The following CCDC28B variants were observed in gnomAD, a reference collection of about 807,000 sequenced individuals.
The protein encoded by CCDC28B is coiled-coil domain containing 28B.
In CCDC28B, 17 loss-of-function variants were observed where a neutral mutation model predicts 18.7. The observed-to-expected ratio is 0.91, with a 90% CI of 0.62 to 1.36. The LOEUF (loss-of-function observed/expected upper bound fraction) is 1.36, where lower values mean the gene tolerates loss of function less well. Ranked by LOEUF, CCDC28B falls within the 40% of genes most tolerant of loss-of-function variation. CCDC28B has a pLI of 0.00. For missense variants in CCDC28B, 213 were observed against 251.7 expected, an observed-to-expected ratio of 0.85 and a Z score of 1.04; for synonymous variants, 116 against 105.1, an observed-to-expected ratio of 1.10 and a Z score of -0.64.
chr1:32,197,813 CTTTT>C, upstream of CCDC28B: 1 of 149,110 alleles, frequency 6.7e-6, no homozygotes, highest in African/African-American at 2.4e-5. The surrounding 1 kb of genome is among the most constrained non-coding windows in gnomAD (Gnocchi z 4.6). Flanking sequence ...GTCAGCAGCA[CTTTT>C]TTTTTTTATT....
Position 32,204,045 on chromosome 1 carries a change from G to A in CCDC28B, c.331G>A (p.Gly111Arg), listed in dbSNP as rs772979728. 5.1e-6 allele frequency: 8 copies of A among 1,554,740 alleles called. No homozygotes were observed. Among genetic ancestry groups the A allele is most frequent in the Admixed American group, 3.8e-5 (2 of 52,100 alleles). The change falls in exon 3 of 6, where the codon GGG (glycine) becomes AGG (arginine). Residue 111 changes from glycine to arginine, a missense_variant and splice_region_variant. By Grantham distance (125) the Gly-to-Arg change is moderately radical. Transcript: ENST00000373602. ...DFHSGRLQAF[G>R]KECSFEQLEH... ...CCACTCTGGCCGGCTGCAGGCCTTC[G>A]GTGAGTCCTGGGGGCTGGTTTCAGC... is the stretch of plus-strand genomic sequence containing the variant.
At chr1:32,202,559 C>T in intron 2 of CCDC28B, 2 of 345,604 alleles carry the variant, frequency 5.8e-6, no homozygotes, top group South Asian at 4.4e-5. Flanking sequence ...ATAATGTGTC[C>T]ATGTTTGTTC....
upstream of CCDC28B, chr1:32,197,076 T>C (rs1486990565): frequency 6.6e-6 from 1 of 152,314 alleles, no homozygotes; most frequent in Non-Finnish European, 1.5e-5. This position sits in a 1 kb window ranked among gnomAD's most constrained non-coding sequence, Gnocchi z 4.6. Context: ...TGAATCCCTC[T>C]GTCTGGAGTA....
rs191451109 is a variant in CCDC28B, at chr1:32,205,381, A to C, written c.*133A>C. The C allele has an allele frequency of 2.4e-4, 237 of 972,936 alleles. No individual in the cohort carries two copies. The highest frequency in any genetic ancestry group is 1.3e-3 in the African/African-American group (81 of 60,550). The allele number at this position is 972,936 out of a possible 1,614,324, so 60.3% of individuals were successfully genotyped here. On this transcript the variant is annotated 3_prime_UTR_variant, in exon 6 of 6. Coordinates refer to ENST00000373602, the MANE Select transcript of CCDC28B (RefSeq NM_024296.5). This position sits in a 1 kb window ranked among gnomAD's most constrained non-coding sequence, Gnocchi z 5.6. ...CGTTGAATGGAATTAAACCAGAAAG[A>C]AAGCAAGCGGCTCCGTGTCCTGCTT...
intron 4 of CCDC28B, 98 bp from the exon 5 acceptor site, chr1:32,204,500 G>A: frequency 6.6e-7 from 1 of 1,516,238 alleles, no homozygotes; most frequent in Non-Finnish European, 8.8e-7. Flanking sequence ...CAAGAGCTCT[G>A]GGCCCCTCAA....
intron 1 of CCDC28B, among the ~76,000 whole-genome samples, chr1:32,201,358 G>A (rs1643143986): frequency 6.6e-6 from 1 of 152,158 alleles, no homozygotes; most frequent in African/African-American, 2.4e-5. Flanking sequence ...GGATGCCGGT[G>A]TCTATGTGGG....
rs779955937 is a variant in CCDC28B at position 32,205,311 on chromosome 1, C to T, written c.*63C>T. ...TTCAAACTGTGACTTTTTACAGACT[C>T]GGGCGGGTGTTCTGCGGCCCCCCAG... On this transcript the variant is annotated 3_prime_UTR_variant, in exon 6 of 6. Coordinates refer to ENST00000373602, the MANE Select transcript of CCDC28B (RefSeq NM_024296.5). The surrounding 1 kb of genome is among the most constrained non-coding windows in gnomAD (Gnocchi z 5.6). The T allele has an allele frequency of 6.7e-7, 1 of 1,493,512 alleles. No individual in the cohort carries two copies. The highest frequency in any genetic ancestry group is 9.0e-7 in the Non-Finnish European group (1 of 1,106,774). The allele number at this position is 1,493,512 out of a possible 1,614,324, so 92.5% of individuals were successfully genotyped here. A position where few individuals can be genotyped will look rare whatever the true frequency, so the allele number is the denominator to read the frequency against.
chr1:32,204,806 G>T lies in CCDC28B; in HGVS notation c.548+186G>T, dbSNP rs544565147. On this transcript the variant is annotated intron_variant, in intron 5 of 5. Transcript: ENST00000373602. ...GAATTTCCCCAAAATTAGAAGAAAA[G>T]TGGTTGTAGGGGATGTTTTACTACT... 2.8e-5 allele frequency: 45 copies of T among 1,584,806 alleles called. 1 individual carries two copies. In the South Asian group the frequency reaches 4.6e-4, roughly 16 times the overall value.
At chr1:32,199,260 CAA>C (rs1203210315), upstream of CCDC28B, among the ~76,000 whole-genome samples, 1 of 152,218 alleles carries the variant, frequency 6.6e-6, no homozygotes. Flanking sequence ...GATGTGCCCA[CAA>C]TGACTGTGAC....
At chr1:32,196,665 G>C (rs960857966), upstream of CCDC28B, 3 of 152,230 alleles carry the variant, frequency 2.0e-5, no homozygotes, top group Non-Finnish European at 4.4e-5. Context: ...TGGGACAACA[G>C]AATGACTCAG....
intron 4 of CCDC28B, 96 bp from the exon 5 acceptor site, chr1:32,204,502 G>GC (rs1410473820): frequency 1.3e-6 from 2 of 1,516,718 alleles, no homozygotes; most frequent in African/African-American, 2.8e-5. Context: ...AGAGCTCTGG[G>GC]CCCCTCAACC....
chr1:32,205,186 G>A lies in CCDC28B; in HGVS notation c.549-8G>A, dbSNP rs768743189. The A allele has an allele frequency of 6.2e-7, 1 of 1,613,780 alleles. No individual in the cohort carries two copies. The highest frequency in any genetic ancestry group is 1.7e-5 in the Admixed American group (1 of 59,998). Reference sequence around the variant, plus strand: ...GGTCCAAAGCGCCACGATCCTTGACGGGCACAGCCAGAAGCTGCACCTGGC... The same window carrying A: ...GGTCCAAAGCGCCACGATCCTTGACAGGCACAGCCAGAAGCTGCACCTGGC... On this transcript the variant is annotated splice_region_variant and splice_polypyrimidine_tract_variant and intron_variant, in intron 5 of 5. Coordinates refer to ENST00000373602, the MANE Select transcript of CCDC28B (RefSeq NM_024296.5). This position sits in a 1 kb window ranked among gnomAD's most constrained non-coding sequence, Gnocchi z 5.6.
intron 4 of CCDC28B, 29 bp downstream of exon 4, chr1:32,204,408 C>CTGGGGGCATGAGGGG: frequency 6.5e-7 from 1 of 1,545,940 alleles, no homozygotes; most frequent in Admixed American, 2.0e-5. Flanking sequence ...GCTTTGGTTC[C>CTGGGGGCATGAGGGG]TGGGGGCATG....
chr1:32,205,185 C>T lies in CCDC28B; in HGVS notation c.549-9C>T, dbSNP rs1207883853. 1.2e-6 allele frequency: 2 copies of T among 1,613,710 alleles called. No homozygotes were observed. Among genetic ancestry groups the T allele is most frequent in the East Asian group, 2.2e-5 (1 of 44,872 alleles). ...TGGTCCAAAGCGCCACGATCCTTGACGGGCACAGCCAGAAGCTGCACCTGG... is the reference window on the plus strand; with the variant it reads ...TGGTCCAAAGCGCCACGATCCTTGATGGGCACAGCCAGAAGCTGCACCTGG... On this transcript the variant is annotated splice_polypyrimidine_tract_variant and intron_variant, in intron 5 of 5. Transcript: ENST00000373602. This position sits in a 1 kb window ranked among gnomAD's most constrained non-coding sequence, Gnocchi z 5.6.
chr1:32,202,174 C>A, intron 2 of CCDC28B, 75 bp downstream of exon 2: 1 of 1,569,036 alleles, frequency 6.4e-7, no homozygotes, highest in Non-Finnish European at 8.8e-7. Context: ...GCAAGGGGGG[C>A]CTCCGCCTTT....
At chr1:32,204,692 AG>A in intron 5 of CCDC28B, 72 bp downstream of exon 5, 1 of 1,614,150 alleles carries the variant, frequency 6.2e-7, no homozygotes, top group Non-Finnish European at 8.5e-7. Flanking sequence ...CCAGCCCTCC[AG>A]GAGTATTCAC....
At chr1:32,201,104 G>A (rs1054805363) in intron 1 of CCDC28B, among the ~76,000 whole-genome samples, 2 of 151,974 alleles carry the variant, frequency 1.3e-5, no homozygotes, top group African/African-American at 4.8e-5. Flanking sequence ...CCCAGAGGAG[G>A]GAACCCCAGC....
At chr1:32,199,376 G>C (rs1281758160), upstream of CCDC28B, among the ~76,000 whole-genome samples, 2 of 151,420 alleles carry the variant, frequency 1.3e-5, no homozygotes, top group Admixed American at 6.6e-5. Context: ...TGTGGGGGGG[G>C]TGCCGCCCCA....
rs763438428 is a variant in CCDC28B, at chr1:32,204,621, G to A, written c.548+1G>A. ...AGCTGGAAGACCTCAGTAATTCTAT[G>A]TATCCTTTCCAAGGAACCCGTCTAT... On this transcript the variant is annotated splice_donor_variant, in intron 5 of 5. Transcript: ENST00000373602. LOFTEE classifies it high-confidence loss of function. The A allele has an allele frequency of 1.5e-5, 24 of 1,595,244 alleles. No homozygotes were observed. Among genetic ancestry groups the A allele is most frequent in the Non-Finnish European group, 4.3e-6 (5 of 1,172,214 alleles).
Sources: allele counts gnomAD v4.1 joint callset (sites outside exome capture counted in the v4.1 genomes callset), GRCh38; gene constraint gnomAD v4.1.1; non-coding constraint Gnocchi (gnomAD v3.1); transcripts MANE v1.5; gene names NCBI Gene and HGNC (gene_info 2026-07-23, HGNC 2026-07-21).